Variants in RPL6 observed in about 807,000 individuals in gnomAD.
The protein encoded by RPL6 is ribosomal protein L6.
In RPL6, 1 loss-of-function variant was observed where a neutral mutation model predicts 32.1. That is an observed-to-expected ratio of 0.03 (90% confidence interval 0.01 to 0.15). The LOEUF (loss-of-function observed/expected upper bound fraction) is 0.15, where lower values mean the gene tolerates loss of function less well. Ranked by LOEUF, RPL6 falls within the 10% of genes least tolerant of loss-of-function variation. RPL6 has a pLI of 1.00. For synonymous variants in RPL6, 126 were observed against 131.6 expected, an observed-to-expected ratio of 0.96 and a Z score of 0.29; for missense variants, 275 against 354.6, an observed-to-expected ratio of 0.78 and a Z score of 1.80.
At chr12:112,408,088 A>G in intron 3 of RPL6, 152 bp downstream of exon 3, 1 of 623,708 alleles carries the variant, frequency 1.6e-6, no homozygotes, top group Non-Finnish European at 2.8e-6. Flanking sequence ...GATTAACAGT[A>G]AATGTTGAAG....
chr12:112,414,755 A>C (rs2037383099), upstream of RPL6, among the ~76,000 whole-genome samples: 1 of 152,120 alleles, frequency 6.6e-6, no homozygotes, highest in Non-Finnish European at 1.5e-5. Flanking sequence ...AATACAAAAA[A>C]TTAGCCGGGC....
chr12:112,405,794 T>C, intron 6 of RPL6, 59 bp downstream of exon 6: 1 of 1,394,558 alleles, frequency 7.2e-7, no homozygotes, highest in Non-Finnish European at 9.8e-7. Flanking sequence ...AACCTGTTTC[T>C]TTTCACTCCC....
In RPL6 at chr12:112,408,589, G is replaced by A. The variant is rs770815761; in HGVS notation, c.68C>T (p.Ala23Val). ...GTTACCCTTTTTCACCTTGCCACCA[G>A]CATCAACCTTCTTGGCTTCGGGTTT... Reference protein sequence around the residue: ...EKKPEAKKVDAGGKVKKGNLK... With the variant: ...EKKPEAKKVDVGGKVKKGNLK... The change falls in exon 2 of 7, where the codon GCT becomes GTT. Residue 23 changes from alanine (A) to valine (V), a missense_variant. Physicochemically the swap from Ala to Val is moderately conservative, Grantham distance 64 (BLOSUM62 0). Transcript: ENST00000202773. 1.2e-6 allele frequency: 2 copies of A among 1,600,034 alleles called. No individual in the cohort carries two copies. The highest frequency in any genetic ancestry group is 1.7e-6 in the Non-Finnish European group (2 of 1,178,180).
chr12:112,410,602 C>G (rs1450777522), upstream of RPL6, among the ~76,000 whole-genome samples: 2 of 92,080 alleles, frequency 2.2e-5, no homozygotes, highest in Non-Finnish European at 4.0e-5. Flanking sequence ...GAGATGGAGT[C>G]TCGCTCTGTC....
chr12:112,407,659 T>C (rs2037213590), intron 3 of RPL6: 1 of 153,442 alleles, frequency 6.5e-6, no homozygotes, highest in Non-Finnish European at 1.5e-5. Flanking sequence ...CAAGAAACAC[T>C]GCTCTAGTGG....
chr12:112,409,256 C>A (rs1185849209), intron 1 of RPL6: 2 of 386,536 alleles, frequency 5.2e-6, no homozygotes, highest in Non-Finnish European at 9.1e-6. Flanking sequence ...CAGTGTCATC[C>A]TCTGGAACCC....
intron 3 of RPL6, chr12:112,407,313 A>T: frequency 6.2e-6 from 1 of 160,458 alleles, no homozygotes. Context: ...TTCATCCACA[A>T]AGGAAAACAA....
chr12:112,413,274 C>G (rs768101053), upstream of RPL6, among the ~76,000 whole-genome samples: 10 of 152,122 alleles, frequency 6.6e-5, no homozygotes, highest in Admixed American at 3.3e-4. Flanking sequence ...CGGTGGCTCA[C>G]GCCTGTAATC....
chr12:112,405,639 T>C, intron 6 of RPL6: 1 of 612,082 alleles, frequency 1.6e-6, no homozygotes, highest in Non-Finnish European at 2.8e-6. Context: ...TAGCAGTTAA[T>C]TCCCACACAA....
chr12:112,408,639 A>T lies in RPL6; in HGVS notation c.18T>A (p.Val6=), dbSNP rs755040928. The T allele has an allele frequency of 3.8e-6, 6 of 1,564,624 alleles. No individual in the cohort carries two copies. The highest frequency in any genetic ancestry group is 3.4e-6 in the Non-Finnish European group (4 of 1,168,630). MAGEK[V]EKPDTKEKKP... is the part of the protein sequence containing the mutation. ...TCTTCTCTTTAGTATCTGGCTTCTC[A>T]ACTTTTTCACCCGCCATCTAAAAAT... is the stretch of plus-strand genomic sequence containing the variant. Residue 6 remains valine (V), a synonymous_variant, in exon 2 of 7, where the codon GTT becomes GTA. Transcript: ENST00000202773.
rs1383871602 is a variant in RPL6 at position 112,406,306 on chromosome 12, A to G, written c.517T>C (p.Leu173=). The part of the protein sequence containing the change: ...VFLKQLASGL[L]LVTGPLVLNR... ...AGGATTTTCTTACCAGTCACAAGTA[A>G]TAAGCCACTAGCCAGCTGCTTCAGG... The change falls in exon 5 of 7, where the codon TTA becomes CTA. Residue 173 remains leucine, a synonymous_variant. Transcript: ENST00000202773. The G allele has an allele frequency of 1.2e-6, 2 of 1,613,376 alleles. No homozygotes were observed. The highest frequency in any genetic ancestry group is 1.7e-6 in the Non-Finnish European group (2 of 1,179,440).
upstream of RPL6, chr12:112,409,619 G>C (rs1216821379): frequency 1.5e-5 from 6 of 397,808 alleles, no homozygotes; most frequent in Non-Finnish European, 1.3e-5. Flanking sequence ...TAAGGTCCCG[G>C]CTTCCGGTCT....
At chr12:112,410,331 C>G (rs1171140777), upstream of RPL6, 3 of 293,914 alleles carry the variant, frequency 1.0e-5, no homozygotes, top group Admixed American at 1.0e-4. Context: ...TTGGATTTAG[C>G]GGCTGACTAC....
chr12:112,405,726 A>G (rs1209365522), intron 6 of RPL6, 127 bp downstream of exon 6: 2 of 787,892 alleles, frequency 2.5e-6, no homozygotes, highest in African/African-American at 1.7e-5. Context: ...AATCTGGAAT[A>G]CTAAGTATCT....
upstream of RPL6, among the ~76,000 whole-genome samples, chr12:112,412,427 G>A (rs1311662470): frequency 6.6e-6 from 1 of 151,758 alleles, no homozygotes; most frequent in Non-Finnish European, 1.5e-5. Flanking sequence ...TGCTCACCTC[G>A]GCCTCCCAAA....
chr12:112,407,029 T>C (rs2037193125), intron 3 of RPL6, 139 bp from the exon 4 acceptor site: 5 of 856,050 alleles, frequency 5.8e-6, no homozygotes, highest in Non-Finnish European at 8.8e-6. Flanking sequence ...TTTTCATTTC[T>C]GCTAAGTAGA....
rs76629251 is a variant in RPL6 at position 112,406,608 on chromosome 12, C to A, written c.480+139G>T. Reference sequence around the variant, plus strand: ...GGATTACACTTCTTATTTGCAACAACTAAGTTGTATCTTGCAGATCATTTC... The same window carrying A: ...GGATTACACTTCTTATTTGCAACAAATAAGTTGTATCTTGCAGATCATTTC... On this transcript the variant is annotated intron_variant, in intron 4 of 6. Transcript: ENST00000202773. 162 of 1,185,240 alleles carry A rather than the reference C, an allele frequency of 1.4e-4. 2 individuals carry two copies. In the East Asian group the frequency reaches 4.1e-3, roughly 30 times the overall value. 73.4% of individuals were successfully genotyped at this position (1,185,240 alleles called of 1,614,324 possible).
At position 112,406,878 on chromosome 12, in the gene RPL6, G is replaced by C; in HGVS notation, c.349C>G (p.Pro117Ala). ...VKLRKMPRYY[P>A]TEDVPRKLLS... ...AGCTTTCGAGGCACATCTTCAGTAG[G>C]ATAATATCTAGGCTGTGGAGAGTCC... The change falls in exon 4 of 7, where the codon CCT (proline) becomes GCT (alanine). Residue 117 changes from proline (P) to alanine (A), a missense_variant. Physicochemically the swap from Pro to Ala is conservative, Grantham distance 27. Transcript: ENST00000202773. 3 of 1,614,222 alleles carry C rather than the reference G, an allele frequency of 1.9e-6. No individual in the cohort carries two copies. Among genetic ancestry groups the C allele is most frequent in the South Asian group, 1.1e-5 (1 of 91,086 alleles).
upstream of RPL6, among the ~76,000 whole-genome samples, chr12:112,412,661 A>G (rs1156801740): frequency 6.6e-6 from 1 of 152,052 alleles, no homozygotes; most frequent in Non-Finnish European, 1.5e-5. Context: ...TTTTTTGTAG[A>G]GACAGGGTCT....
Sources: gnomAD v4.1 joint callset for allele counts (sites outside exome capture counted in the v4.1 genomes callset) on GRCh38, gnomAD v4.1.1 for gene constraint, MANE v1.5 for transcripts, NCBI Gene and HGNC (gene_info 2026-07-23, HGNC 2026-07-21) for gene names.